The following CHRNA4 variants were observed in gnomAD, a reference collection of about 807,000 sequenced individuals.
CHRNA4 encodes the protein cholinergic receptor nicotinic alpha 4 subunit.
A neutral mutation model predicts 48.9 loss-of-function variants in CHRNA4; 28 were observed. That is an observed-to-expected ratio of 0.57 (90% CI 0.42 to 0.79). CHRNA4 has a LOEUF of 0.79. Ranked by LOEUF, CHRNA4 falls within the 30% of genes least tolerant of loss-of-function variation. CHRNA4 has a pLI of 0.00. For missense variants in CHRNA4, 859 were observed against 898.4 expected (o/e 0.96, Z 0.56); for synonymous variants, 425 against 402.3 (o/e 1.06, Z -0.68).
chr20:63,352,498 C>A (rs995840294), intron 4 of CHRNA4, among the ~76,000 whole-genome samples: 1 of 152,178 alleles, frequency 6.6e-6, no homozygotes, highest in Non-Finnish European at 1.5e-5. Context: ...CATCTCAATG[C>A]GGCTCCGGCC....
At chr20:63,358,600 C>T (rs895036732) in intron 2 of CHRNA4, among the ~76,000 whole-genome samples, 15 of 152,196 alleles carry the variant, frequency 9.9e-5, no homozygotes, top group Non-Finnish European at 2.1e-4. Context: ...GTGTGGAAGA[C>T]GAGCCCCTGC....
intron 4 of CHRNA4, chr20:63,355,704 C>T (rs2068706424): frequency 1.1e-6 from 1 of 884,848 alleles, no homozygotes; most frequent in South Asian, 1.5e-5. Flanking sequence ...CTCTCAGGCC[C>T]CTCCGGCTCT....
Position 63,361,177 on chromosome 20 carries a change from C to T in CHRNA4, c.-12G>A. On this transcript the variant is annotated 5_prime_UTR_variant, in exon 1 of 6. Transcript: ENST00000370263. ...CCCCCTAGCTCCATGGCGCACGCACCTCGCGGGCTCTAGATGCGGGCGGCT... is the reference window on the plus strand; with the variant it reads ...CCCCCTAGCTCCATGGCGCACGCACTTCGCGGGCTCTAGATGCGGGCGGCT... 1 of 1,464,132 alleles carries T rather than the reference C, an allele frequency of 6.8e-7. No homozygotes were observed. Among genetic ancestry groups the T allele is most frequent in the South Asian group, 1.3e-5 (1 of 77,178 alleles). 90.7% of individuals were successfully genotyped at this position (1,464,132 alleles called of 1,614,324 possible). A position where few individuals can be genotyped will look rare whatever the true frequency, so the allele number is the denominator to read the frequency against.
In CHRNA4 at chr20:63,361,070, T is replaced by A; in HGVS notation, c.76+20A>T. ...CCGAACGCGGGCGAAAGGGGGCCCA[T>A]CCCGCGCCCCGTAACTTACCGCGCA... is the stretch of plus-strand genomic sequence containing the variant. On this transcript the variant is annotated intron_variant, in intron 1 of 5. Coordinates refer to ENST00000370263, the MANE Select transcript of CHRNA4 (RefSeq NM_000744.7). 1 of 1,432,436 alleles carries A rather than the reference T, an allele frequency of 7.0e-7. No homozygotes were observed. The highest frequency in any genetic ancestry group is 9.1e-7 in the Non-Finnish European group (1 of 1,094,418). The allele number at this position is 1,432,436 out of a possible 1,614,324, so 88.7% of individuals were successfully genotyped here. A position where few individuals can be genotyped will look rare whatever the true frequency, so the allele number is the denominator to read the frequency against.
rs201883336 is a variant in CHRNA4, at chr20:63,345,073, C to T, written c.*1665G>A. 2.8e-4 allele frequency: 127 copies of T among 454,034 alleles called. 1 individual carries two copies. The highest frequency in any genetic ancestry group is 1.2e-3 in the South Asian group (80 of 64,476). 28.1% of individuals were successfully genotyped at this position (454,034 alleles called of 1,614,324 possible). On this transcript the variant is annotated 3_prime_UTR_variant, in exon 6 of 6. Coordinates refer to ENST00000370263, the MANE Select transcript of CHRNA4 (RefSeq NM_000744.7). The surrounding 1 kb of genome is among the most constrained non-coding windows in gnomAD (Gnocchi z 5.4). Reference sequence around the variant, plus strand: ...TGGGCAATGTGGGCCTGAGTCTCCTCCCCACTCACGTCACTGCCCGCGGGG... The same window carrying T: ...TGGGCAATGTGGGCCTGAGTCTCCTTCCCACTCACGTCACTGCCCGCGGGG...
At position 63,349,805 on chromosome 20, in the gene CHRNA4, CCTT is replaced by C. The variant is rs2068554810; in HGVS notation, c.1603_1605del (p.Lys535del). The C allele has an allele frequency of 6.2e-7, 1 of 1,605,270 alleles. No homozygotes were observed. The highest frequency in any genetic ancestry group is 1.1e-5 in the South Asian group (1 of 90,840). ...GCGCTCGGGGACACCGAAGAGGGCT[CCTT>C]CTTGCATGTGCATTTGCACGGAGAG... is the stretch of plus-strand genomic sequence containing the variant. On this transcript the variant is annotated inframe_deletion, in exon 5 of 6. Transcript: ENST00000370263.
rs200937902 is a variant in CHRNA4, at chr20:63,343,328, G to C, written c.*3410C>G. The C allele has an allele frequency of 4.2e-5, 19 of 449,888 alleles. No individual in the cohort carries two copies. Among genetic ancestry groups the C allele is most frequent in the Non-Finnish European group, 4.5e-6 (1 of 223,520 alleles). 27.9% of individuals were successfully genotyped at this position (449,888 alleles called of 1,614,324 possible). A position where few individuals can be genotyped will look rare whatever the true frequency, so the allele number is the denominator to read the frequency against. ...AAGCCGGGCGGCCGCACCTGGGCTC[G>C]GCGGGCCACACGGTCGGCGGGGCTT... On this transcript the variant is annotated 3_prime_UTR_variant, in exon 6 of 6. Coordinates refer to ENST00000370263, the MANE Select transcript of CHRNA4 (RefSeq NM_000744.7).
intron 2 of CHRNA4, among the ~76,000 whole-genome samples, chr20:63,359,179 G>GGCCCCT (rs1327920922): frequency 6.6e-6 from 1 of 152,092 alleles, no homozygotes; most frequent in East Asian, 1.9e-4. Flanking sequence ...CTCCTGCCCC[G>GGCCCCT]GCCCCTGCCC....
At position 63,350,026 on chromosome 20, in the gene CHRNA4, T is replaced by G. The variant is rs1568808487; in HGVS notation, c.1385A>C (p.Lys462Thr). ...PHGTQAPGLA[K>T]ARSLSVQHMS... ...GTGCTGGACGCTGAGGGACCTGGCT[T>G]TGGCCAGCCCTGGTGCCTGGGTGCC... Residue 462 changes from lysine to threonine, a missense_variant, in exon 5 of 6, where the codon AAA (lysine) becomes ACA (threonine). Transcript: ENST00000370263. 2 of 1,523,884 alleles carry G rather than the reference T, an allele frequency of 1.3e-6. No individual in the cohort carries two copies. The highest frequency in any genetic ancestry group is 2.1e-5 in the Admixed American group (1 of 48,136). 94.4% of individuals were successfully genotyped at this position (1,523,884 alleles called of 1,614,324 possible). A position where few individuals can be genotyped will look rare whatever the true frequency, so the allele number is the denominator to read the frequency against.
intron 4 of CHRNA4, among the ~76,000 whole-genome samples, chr20:63,353,604 G>C (rs2068653322): frequency 8.2e-6 from 1 of 121,702 alleles, no homozygotes; most frequent in Non-Finnish European, 1.8e-5. Context: ...GCAGTCCTAG[G>C]GGGCTGTGGT....
At chr20:63,357,872 G>T (rs1234875740) in intron 2 of CHRNA4, among the ~76,000 whole-genome samples, 1 of 152,166 alleles carries the variant, frequency 6.6e-6, no homozygotes, top group African/African-American at 2.4e-5. Context: ...AGCTCTGGGA[G>T]TCTTGGTTCT....
In CHRNA4 at chr20:63,349,878, G is replaced by C. The variant is rs199498290; in HGVS notation, c.1533C>G (p.Ala511=). 1 of 1,594,528 alleles carries C rather than the reference G, an allele frequency of 6.3e-7. No individual in the cohort carries two copies. Among genetic ancestry groups the C allele is most frequent in the Non-Finnish European group, 8.6e-7 (1 of 1,168,890 alleles). ...GCTCAGCCGAGTGGGTGTTGCGAGA[G>C]GCCAGGGCGCCGGCAGCCTGGCCAT... ...EADGQAAGAL[A]SRNTHSAELP... The change falls in exon 5 of 6, where the codon GCC becomes GCG. Residue 511 remains alanine (A), a synonymous_variant. Coordinates refer to ENST00000370263, the MANE Select transcript of CHRNA4 (RefSeq NM_000744.7).
At chr20:63,354,381 G>C (rs1286931930) in intron 4 of CHRNA4, among the ~76,000 whole-genome samples, 1 of 140,448 alleles carries the variant, frequency 7.1e-6, no homozygotes, top group Non-Finnish European at 1.5e-5. Context: ...TGATCCTTGT[G>C]GGGGCTGCAG....
intron 4 of CHRNA4, among the ~76,000 whole-genome samples, chr20:63,352,383 T>C (rs1045154726): frequency 6.6e-6 from 1 of 152,166 alleles, no homozygotes; most frequent in Non-Finnish European, 1.5e-5. Flanking sequence ...ACGGTCTCAG[T>C]CGGTGCTGAG....
chr20:63,352,535 C>T (rs1174086908), intron 4 of CHRNA4, among the ~76,000 whole-genome samples: 1 of 152,220 alleles, frequency 6.6e-6, no homozygotes, highest in African/African-American at 2.4e-5. Flanking sequence ...CCGAGCGTCC[C>T]TCCAGCGGGG....
chr20:63,354,518 G>T, intron 4 of CHRNA4: 1 of 936,112 alleles, frequency 1.1e-6, no homozygotes, highest in Non-Finnish European at 1.3e-6. Context: ...CTGTGGTCCT[G>T]GGGGAGCTGT....
intron 2 of CHRNA4, among the ~76,000 whole-genome samples, chr20:63,357,707 C>T (rs1458308070): frequency 6.6e-6 from 1 of 152,214 alleles, no homozygotes; most frequent in African/African-American, 2.4e-5. Flanking sequence ...TCCACATACA[C>T]GTGGTCCTCA....
intron 4 of CHRNA4, among the ~76,000 whole-genome samples, chr20:63,355,189 G>A (rs748857437): frequency 3.3e-5 from 5 of 152,176 alleles, no homozygotes; most frequent in Non-Finnish European, 5.9e-5. Flanking sequence ...CTCAGAGAGC[G>A]CTGGCTGCCG....
intron 4 of CHRNA4, chr20:63,354,552 T>C: frequency 1.2e-6 from 1 of 839,448 alleles, no homozygotes; most frequent in Non-Finnish European, 1.4e-6. Context: ...GCTGCAGTCT[T>C]TGGAGGGCCG....
Sources: allele counts gnomAD v4.1 joint callset (sites outside exome capture counted in the v4.1 genomes callset), GRCh38; gene constraint gnomAD v4.1.1; non-coding constraint Gnocchi (gnomAD v3.1); transcripts MANE v1.5; gene names NCBI Gene and HGNC (gene_info 2026-07-23, HGNC 2026-07-21).